Variants in RALGPS1 observed in about 807,000 individuals in gnomAD.
RALGPS1 encodes the protein ras-specific guanine nucleotide-releasing factor RalGPS1.
In RALGPS1, 19 loss-of-function variants were observed where a neutral mutation model predicts 78.8. The observed-to-expected ratio is 0.24, with a 90% confidence interval of 0.17 to 0.35. The LOEUF is 0.35. Among genes scored for constraint, RALGPS1 ranks in the 10% least tolerant of loss-of-function variants. The pLI is 1.00. For synonymous variants in RALGPS1, 228 were observed against 256.3 expected, an observed-to-expected ratio of 0.89 and a Z score of 1.06; for missense variants, 454 against 688.3, an observed-to-expected ratio of 0.66 and a Z score of 3.81.
At chr9:126,928,057 G>T (rs2035464164) in intron 1 of RALGPS1, among the ~76,000 whole-genome samples, 1 of 152,262 alleles carries the variant, frequency 6.6e-6, no homozygotes, top group East Asian at 1.9e-4. Flanking sequence ...ATCCTAAATT[G>T]GTAAAAGTGG....
intron 8 of RALGPS1, among the ~76,000 whole-genome samples, chr9:127,112,484 C>A (rs997882896): frequency 1.3e-5 from 2 of 152,232 alleles, no homozygotes; most frequent in Non-Finnish European, 2.9e-5. Context: ...GCCCAGGAGG[C>A]AACCTGGCTG....
At chr9:126,959,923 C>T (rs985880367) in intron 1 of RALGPS1, among the ~76,000 whole-genome samples, 30 of 152,148 alleles carry the variant, frequency 2.0e-4, no homozygotes, top group African/African-American at 7.2e-4. Context: ...AGTTGATTCC[C>T]AAATGTTGTT....
chr9:126,998,142 A>G (rs1269851794), intron 4 of RALGPS1, among the ~76,000 whole-genome samples: 2 of 152,180 alleles, frequency 1.3e-5, no homozygotes, highest in Non-Finnish European at 2.9e-5. Flanking sequence ...ACCAAAAGCA[A>G]TGGCAACAAA....
intron 7 of RALGPS1, among the ~76,000 whole-genome samples, chr9:127,062,415 A>G (rs1285208818): frequency 6.6e-6 from 1 of 152,218 alleles, no homozygotes; most frequent in Non-Finnish European, 1.5e-5. Flanking sequence ...ATTTTTTAAA[A>G]AGATAAAATC....
chr9:126,966,316 C>G (rs945870173), intron 3 of RALGPS1, among the ~76,000 whole-genome samples: 1 of 151,916 alleles, frequency 6.6e-6, no homozygotes. Flanking sequence ...CCCAGGAGTT[C>G]GAGATCAGCC....
chr9:127,100,140 G>A (rs2053571768), intron 8 of RALGPS1, among the ~76,000 whole-genome samples: 1 of 152,074 alleles, frequency 6.6e-6, no homozygotes, highest in South Asian at 2.1e-4. Context: ...AAGAATTCCT[G>A]AATATGCTTG....
chr9:126,987,886 C>A (rs1437596030), intron 4 of RALGPS1, among the ~76,000 whole-genome samples: 1 of 152,074 alleles, frequency 6.6e-6, no homozygotes, highest in Non-Finnish European at 1.5e-5. Flanking sequence ...GGGTGGGGCG[C>A]TAGCGTATCA....
At chr9:127,130,595 G>A (rs530847033) in intron 8 of RALGPS1, among the ~76,000 whole-genome samples, 1 of 152,352 alleles carries the variant, frequency 6.6e-6, no homozygotes, top group East Asian at 1.9e-4. Context: ...CCAAAGAAAA[G>A]AATCCTTTTA....
intron 8 of RALGPS1, chr9:127,087,804 C>T (rs1240074533): frequency 1.3e-5 from 2 of 152,276 alleles, no homozygotes; most frequent in African/African-American, 2.4e-5. Flanking sequence ...AGCGTGGAAT[C>T]TCTGGTCTGT....
At position 127,091,587 on chromosome 9, in the gene RALGPS1, T is replaced by C; in HGVS notation, c.610+22231T>C. On this transcript the variant is annotated intron_variant, in intron 8 of 18. Coordinates refer to ENST00000259351, the MANE Select transcript of RALGPS1 (RefSeq NM_014636.3). The surrounding 1 kb of genome is among the most constrained non-coding windows in gnomAD (Gnocchi z 4.3). ...CTTCTCACCCTGGGATCTTCCCGTTTCCAAGCCCTGGAGTCAGGGGCTCTG... is the reference window on the plus strand; with the variant it reads ...CTTCTCACCCTGGGATCTTCCCGTTCCCAAGCCCTGGAGTCAGGGGCTCTG... 1 of 1,528,538 alleles carries C rather than the reference T, an allele frequency of 6.5e-7. No homozygotes were observed. The highest frequency in any genetic ancestry group is 8.8e-7 in the Non-Finnish European group (1 of 1,137,270). The allele number at this position is 1,528,538 out of a possible 1,614,324, so 94.7% of individuals were successfully genotyped here.
chr9:127,156,452 A>AT (rs2058714371), intron 8 of RALGPS1, among the ~76,000 whole-genome samples: 3 of 152,242 alleles, frequency 2.0e-5, no homozygotes, highest in African/African-American at 7.2e-5. Flanking sequence ...AATATTATCG[A>AT]TTTTTAAGAA....
intron 4 of RALGPS1, among the ~76,000 whole-genome samples, chr9:127,019,420 C>T (rs570556015): frequency 1.4e-4 from 22 of 152,142 alleles, no homozygotes; most frequent in African/African-American, 2.9e-4. Context: ...CTCTGCTTCC[C>T]GGGTTCATGC....
chr9:127,026,125 T>C (rs544250549), intron 4 of RALGPS1, among the ~76,000 whole-genome samples: 2 of 152,284 alleles, frequency 1.3e-5, no homozygotes, highest in South Asian at 4.2e-4. Context: ...TAATAGGCTG[T>C]CTGCAAGCTG....
chr9:127,138,036 G>C (rs1173260702), intron 8 of RALGPS1, among the ~76,000 whole-genome samples: 1 of 152,202 alleles, frequency 6.6e-6, no homozygotes, highest in East Asian at 1.9e-4. Flanking sequence ...AGCAGCCAAG[G>C]ACCTATGAGA....
chr9:127,162,507 A>C (rs16929638), intron 8 of RALGPS1, among the ~76,000 whole-genome samples: 6,188 of 152,250 alleles, frequency 0.041, 431 homozygotes, highest in African/African-American at 0.14. Context: ...TGTGGGAGTG[A>C]AAGGCTGTTT....
At chr9:127,081,971 C>T (rs1184568625) in intron 8 of RALGPS1, among the ~76,000 whole-genome samples, 5 of 152,168 alleles carry the variant, frequency 3.3e-5, no homozygotes, top group Admixed American at 1.3e-4. Context: ...AGGAGAGACA[C>T]GGATATTTGA....
At chr9:127,061,906 C>T (rs1188223570) in intron 7 of RALGPS1, among the ~76,000 whole-genome samples, 1 of 152,202 alleles carries the variant, frequency 6.6e-6, no homozygotes, top group Non-Finnish European at 1.5e-5. Flanking sequence ...CGATCTCAAC[C>T]TCCCAGCTCT....
chr9:127,066,965 A>G (rs1281079195), intron 7 of RALGPS1, among the ~76,000 whole-genome samples: 4 of 151,968 alleles, frequency 2.6e-5, no homozygotes, highest in Non-Finnish European at 5.9e-5. Flanking sequence ...CTCATTTATT[A>G]TTTGTCTGGG....
intron 13 of RALGPS1, among the ~76,000 whole-genome samples, chr9:127,198,423 T>C (rs747357532): frequency 6.6e-6 from 1 of 152,096 alleles, no homozygotes; most frequent in African/African-American, 2.4e-5. Context: ...CAAGAGGGCT[T>C]AGAGAGCCCG....
Sources: allele counts gnomAD v4.1 joint callset (sites outside exome capture counted in the v4.1 genomes callset), GRCh38; gene constraint gnomAD v4.1.1; non-coding constraint Gnocchi (gnomAD v3.1); transcripts MANE v1.5; gene names NCBI Gene and HGNC (gene_info 2026-07-23, HGNC 2026-07-21).